Variants in ITPKB observed in about 807,000 individuals in gnomAD.
ITPKB encodes the protein IP3 3-kinase B.
Under a neutral mutation model 69.4 loss-of-function variants are expected in ITPKB, and 13 were observed. The observed-to-expected ratio is 0.19, with a 90% confidence interval of 0.12 to 0.30. The LOEUF is 0.30. Among genes scored for constraint, ITPKB ranks in the 10% least tolerant of loss-of-function variants. The pLI, the probability that ITPKB is intolerant of heterozygous loss-of-function variation, is 1.00. For synonymous variants in ITPKB, 584 were observed against 513.7 expected (o/e 1.14, Z -1.85); for missense variants, 1,240 against 1,250.5 (o/e 0.99, Z 0.13).
Position 226,641,837 on chromosome 1 carries a change from G to A in ITPKB, c.2451+84C>T, listed in dbSNP as rs962148888. 1.6e-6 allele frequency: 2 copies of A among 1,280,498 alleles called. No individual in the cohort carries two copies. Among genetic ancestry groups the A allele is most frequent in the African/African-American group, 3.0e-5 (2 of 67,610 alleles). 79.3% of individuals were successfully genotyped at this position (1,280,498 alleles called of 1,614,324 possible). A position where few individuals can be genotyped will look rare whatever the true frequency, so the allele number is the denominator to read the frequency against. ...GAGCCTGTGCCTGGAGAAGCTTACA[G>A]CTTCCAAAGGGCGCTGAGAGAAGCC... On this transcript the variant is annotated intron_variant, in intron 5 of 7. Coordinates refer to ENST00000429204, the MANE Select transcript of ITPKB (RefSeq NM_002221.4). The surrounding 1 kb of genome is among the most constrained non-coding windows in gnomAD (Gnocchi z 4.6).
Position 226,737,019 on chromosome 1 carries a change from A to G in ITPKB, c.440T>C (p.Val147Ala), listed in dbSNP as rs1207998479. The change falls in exon 2 of 8, where the codon GTG becomes GCG. Residue 147 changes from valine to alanine, a missense_variant. Val to Ala is a moderately conservative substitution (Grantham distance 64). Transcript: ENST00000429204. ...CTGGATGTGCGCCTCAAACATGCCC[A>G]CTTTCTGGTTCACCTGCACGTTCTG... is the stretch of plus-strand genomic sequence containing the variant. ...ELQNVQVNQK[V>A]GMFEAHIQAQ... 1.4e-5 allele frequency: 23 copies of G among 1,612,602 alleles called. No homozygotes were observed. The highest frequency in any genetic ancestry group is 1.9e-5 in the Non-Finnish European group (22 of 1,179,926).
At chr1:226,680,071 C>A (rs1203318908) in intron 2 of ITPKB, among the ~76,000 whole-genome samples, 1 of 152,240 alleles carries the variant, frequency 6.6e-6, no homozygotes, top group Non-Finnish European at 1.5e-5. Flanking sequence ...TCGATCCTAA[C>A]ACATCACCTG....
intron 2 of ITPKB, chr1:226,707,628 G>A: frequency 1.0e-6 from 1 of 997,700 alleles, no homozygotes; most frequent in Non-Finnish European, 1.2e-6. Flanking sequence ...AATAGGCAGT[G>A]TACACATGAG....
At chr1:226,651,916 C>G (rs944063485) in intron 2 of ITPKB, among the ~76,000 whole-genome samples, 1 of 152,222 alleles carries the variant, frequency 6.6e-6, no homozygotes, top group Non-Finnish European at 1.5e-5. Context: ...ATTTCTTCAC[C>G]ATGAAAATAG....
Position 226,737,102 on chromosome 1 carries a change from G to A in ITPKB, c.357C>T (p.Leu119=). The A allele has an allele frequency of 5.6e-6, 9 of 1,606,996 alleles. No homozygotes were observed. The highest frequency in any genetic ancestry group is 7.6e-6 in the Non-Finnish European group (9 of 1,179,806). The change falls in exon 2 of 8, where the codon CTC becomes CTT. Residue 119 remains leucine, a synonymous_variant. Transcript: ENST00000429204. ...DRQQVVAAGT[L]SPPGPEEAKR... ...TGGCCTCCTCCGGCCCTGGCGGGGAGAGGGTACCGGCTGCCACCACCTGCT... is the reference window on the plus strand; with the variant it reads ...TGGCCTCCTCCGGCCCTGGCGGGGAAAGGGTACCGGCTGCCACCACCTGCT...
chr1:226,649,087 C>CGGAGGCCTCT, intron 2 of ITPKB, among the ~76,000 whole-genome samples: 1 of 152,362 alleles, frequency 6.6e-6, no homozygotes, highest in Admixed American at 6.5e-5. Flanking sequence ...TTCGTAGATG[C>CGGAGGCCTCT]GGAGGCACCA....
At chr1:226,724,434 G>A (rs708770) in intron 2 of ITPKB, among the ~76,000 whole-genome samples, 58,043 of 151,958 alleles carry the variant, frequency 0.38, 11,288 homozygotes, top group Middle Eastern at 0.41. Context: ...TCGCAGGTTC[G>A]GCATAAAATA....
intron 2 of ITPKB, chr1:226,707,515 G>C (rs1656831976): frequency 1.0e-6 from 1 of 984,832 alleles, no homozygotes; most frequent in Admixed American, 6.2e-5. Flanking sequence ...AAAATTTTAA[G>C]AGAAAAACAT....
intron 2 of ITPKB, among the ~76,000 whole-genome samples, chr1:226,715,430 C>G (rs570463607): frequency 2.6e-5 from 4 of 152,192 alleles, no homozygotes; most frequent in Admixed American, 6.5e-5. Flanking sequence ...AGCACAAATG[C>G]AAGTATAGTA....
At chr1:226,653,106 T>C (rs1053614208) in intron 2 of ITPKB, among the ~76,000 whole-genome samples, 2 of 152,120 alleles carry the variant, frequency 1.3e-5, no homozygotes, top group Admixed American at 6.5e-5. Flanking sequence ...CAGGCCCGGG[T>C]TAGAGAATTA....
In ITPKB at chr1:226,632,066, T is replaced by C. The variant is rs940008209; in HGVS notation, c.*2605A>G. 6 of 152,680 alleles carry C rather than the reference T, an allele frequency of 3.9e-5. No individual in the cohort carries two copies. The highest frequency in any genetic ancestry group is 1.4e-4 in the African/African-American group (6 of 41,468). 9.5% of individuals were successfully genotyped at this position (152,680 alleles called of 1,614,324 possible). The stretch of plus-strand genomic sequence containing the variant: ...GAGAAACAAGAGTCCAGCCTTTCGG[T>C]CTTAGTGTTCTGTGCAATTTTAAAA... On this transcript the variant is annotated 3_prime_UTR_variant, in exon 8 of 8. Coordinates refer to ENST00000429204, the MANE Select transcript of ITPKB (RefSeq NM_002221.4).
rs373879265 is a variant in ITPKB, at chr1:226,733,551, G to A, written c.1932+1976C>T. Among the ~76,000 whole-genome samples the A allele has an allele frequency of 8.6e-5, 13 of 151,880 alleles. 1 individual carries two copies. The highest frequency in any genetic ancestry group is 3.4e-3 in the Middle Eastern group (1 of 294). On this transcript the variant is annotated intron_variant, in intron 2 of 7. Transcript: ENST00000429204. ...CCTAGGATCCCATAATTTCCAGTTG[G>A]TTACCCACCCTTACCCCCCTACACA...
intron 2 of ITPKB, among the ~76,000 whole-genome samples, chr1:226,701,165 C>T (rs372674630): frequency 3.3e-5 from 5 of 152,164 alleles, no homozygotes; most frequent in Admixed American, 6.5e-5. Context: ...CTGTGTGAGC[C>T]GCAGCAAGGC....
At chr1:226,703,478 T>C (rs1454283661) in intron 2 of ITPKB, among the ~76,000 whole-genome samples, 4 of 152,130 alleles carry the variant, frequency 2.6e-5, no homozygotes, top group Non-Finnish European at 5.9e-5. Context: ...TTCGCCGCGG[T>C]TTCTTCCCCT....
At chr1:226,721,370 GAAAT>G (rs1657238069) in intron 2 of ITPKB, among the ~76,000 whole-genome samples, 3 of 120,130 alleles carry the variant, frequency 2.5e-5, no homozygotes, top group Admixed American at 8.4e-5. Flanking sequence ...AAAAAAAAAA[GAAAT>G]AAAAGAAATA....
At position 226,738,686 on chromosome 1, in the gene ITPKB, C is replaced by A. The variant is rs1451810617; in HGVS notation, c.-206+355G>T. Among the ~76,000 whole-genome samples, 3 of 152,192 alleles carry A rather than the reference C, an allele frequency of 2.0e-5. No individual in the cohort carries two copies. The highest frequency in any genetic ancestry group is 7.2e-5 in the African/African-American group (3 of 41,458). On this transcript the variant is annotated intron_variant, in intron 1 of 7. Transcript: ENST00000429204. The surrounding 1 kb of genome is among the most constrained non-coding windows in gnomAD (Gnocchi z 4.2). ...TCCCAGGAGCCGGCGCTCTAACACC[C>A]CAGGGCAGCGCCGCGGAGCGCAGGG...
Position 226,658,972 on chromosome 1 carries a change from T to C in ITPKB, c.1933-10201A>G, listed in dbSNP as rs1283603545. ...CTGTCCCCTCCACACCCAATCAGGC[T>C]GCGAGGGCTGCCGGGTCCCTGGTTT... On this transcript the variant is annotated intron_variant, in intron 2 of 7. Transcript: ENST00000429204. Among the ~76,000 whole-genome samples the C allele has an allele frequency of 2.0e-5, 3 of 152,178 alleles. No homozygotes were observed. The East Asian group carries it at 5.8e-4, about 29-fold the overall frequency.
At chr1:226,653,052 G>A (rs986281920) in intron 2 of ITPKB, among the ~76,000 whole-genome samples, 1 of 152,226 alleles carries the variant, frequency 6.6e-6, no homozygotes, top group Admixed American at 6.5e-5. Flanking sequence ...GGCACGGTGT[G>A]TACACTCATA....
intron 2 of ITPKB, among the ~76,000 whole-genome samples, chr1:226,722,504 C>G (rs575050059): frequency 2.0e-5 from 3 of 152,272 alleles, no homozygotes; most frequent in Middle Eastern, 3.4e-3. Context: ...AGTGTAATAC[C>G]GCAAGGTAAA....
Sources: allele counts gnomAD v4.1 joint callset (sites outside exome capture counted in the v4.1 genomes callset), GRCh38; gene constraint gnomAD v4.1.1; non-coding constraint Gnocchi (gnomAD v3.1); transcripts MANE v1.5; gene names NCBI Gene and HGNC (gene_info 2026-07-23, HGNC 2026-07-21).